Variants in CNBD1 observed in about 807,000 individuals in gnomAD.
CNBD1 encodes cyclic nucleotide-binding domain-containing protein 1.
CNBD1 carries 71 observed loss-of-function variants against 54.4 expected under a neutral mutation model. The observed-to-expected ratio is 1.30, with a 90% confidence interval of 1.08 to 1.59. The LOEUF (loss-of-function observed/expected upper bound fraction) is 1.59, where lower values mean the gene tolerates loss of function less well. CNBD1 is among the 40% of genes most tolerant of loss of function. CNBD1 has a pLI of 0.00. For missense variants in CNBD1, 659 were observed against 518.0 expected (o/e 1.27, Z -2.64); for synonymous variants, 182 against 170.7 (o/e 1.07, Z -0.51).
intron 4 of CNBD1, among the ~76,000 whole-genome samples, chr8:87,017,579 A>T (rs1172418316): frequency 6.6e-6 from 1 of 152,202 alleles, no homozygotes; most frequent in Non-Finnish European, 1.5e-5. Flanking sequence ...CTACCTGATA[A>T]GCAAAAAGCC....
At chr8:87,314,334 T>C (rs1809335578) in intron 8 of CNBD1, among the ~76,000 whole-genome samples, 1 of 151,870 alleles carries the variant, frequency 6.6e-6, no homozygotes, top group African/African-American at 2.4e-5. Context: ...ATATTACCAT[T>C]TTTCACTTAA....
chr8:86,921,774 T>C (rs1291533123), intron 3 of CNBD1, among the ~76,000 whole-genome samples: 7 of 151,966 alleles, frequency 4.6e-5, no homozygotes, highest in Non-Finnish European at 8.8e-5. Context: ...AAGATGAGAG[T>C]TGGGTGGGGA....
chr8:86,875,369 C>CAAG (rs1181557638), intron 1 of CNBD1, among the ~76,000 whole-genome samples: 5 of 152,102 alleles, frequency 3.3e-5, no homozygotes, highest in African/African-American at 7.2e-5. Flanking sequence ...TTCACCCTAC[C>CAAG]TACTCCTGGT....
At chr8:87,403,294 G>A (rs77782619) in intron 2 of CNBD1, among the ~76,000 whole-genome samples, 1,579 of 152,030 alleles carry the variant, frequency 0.01, 24 homozygotes, top group African/African-American at 0.036. Flanking sequence ...CATCTATTTT[G>A]GGGCACAGCA....
intron 4 of CNBD1, among the ~76,000 whole-genome samples, chr8:87,035,463 A>T (rs1401021025): frequency 6.6e-6 from 1 of 152,220 alleles, no homozygotes; most frequent in Non-Finnish European, 1.5e-5. Flanking sequence ...ACTTTCTTAA[A>T]CTTTATTACA....
chr8:86,992,114 G>A (rs777648465), intron 4 of CNBD1, among the ~76,000 whole-genome samples: 6 of 152,102 alleles, frequency 3.9e-5, no homozygotes, highest in Non-Finnish European at 8.8e-5. Flanking sequence ...GAGTGTTGAA[G>A]TCTCCCACTA....
intron 2 of CNBD1, among the ~76,000 whole-genome samples, chr8:87,415,878 C>T (rs1807826169): frequency 6.6e-6 from 1 of 151,480 alleles, no homozygotes; most frequent in Non-Finnish European, 1.5e-5. Flanking sequence ...AAAATTAAAA[C>T]CAAATAAGAA....
intron 4 of CNBD1, among the ~76,000 whole-genome samples, chr8:87,029,808 G>A (rs1261629489): frequency 2.0e-5 from 3 of 152,188 alleles, no homozygotes; most frequent in Admixed American, 2.0e-4. Context: ...GATTTTTGGT[G>A]TGATTGTCAA....
chr8:87,025,295 C>A (rs1809615425), intron 4 of CNBD1, among the ~76,000 whole-genome samples: 1 of 152,172 alleles, frequency 6.6e-6, no homozygotes, highest in African/African-American at 2.4e-5. Context: ...CCCCAGCCAG[C>A]TGGGGCAACC....
chr8:86,973,468 T>C (rs1808270642), intron 4 of CNBD1, among the ~76,000 whole-genome samples: 1 of 152,246 alleles, frequency 6.6e-6, no homozygotes. Context: ...TTCATCATTG[T>C]TTTTGCCATG....
At chr8:87,045,740 A>C (rs558326913) in intron 4 of CNBD1, among the ~76,000 whole-genome samples, 313 of 149,684 alleles carry the variant, frequency 2.1e-3, no homozygotes, top group Non-Finnish European at 3.7e-3. Context: ...AAAAAAAAAA[A>C]AAAACAGTAC....
At chr8:87,109,542 T>TTC (rs1484656140) in intron 4 of CNBD1, among the ~76,000 whole-genome samples, 23 of 132,126 alleles carry the variant, frequency 1.7e-4, no homozygotes, top group African/African-American at 4.5e-4. Context: ...CTTTCTTTCT[T>TTC]TTTTTTTTTT....
At chr8:87,313,407 T>C (rs1212018959) in intron 8 of CNBD1, among the ~76,000 whole-genome samples, 2 of 152,064 alleles carry the variant, frequency 1.3e-5, no homozygotes, top group South Asian at 2.1e-4. Flanking sequence ...GCTTAAGCAG[T>C]TACACTCAAG....
chr8:87,161,327 AC>A (rs1369088908), intron 4 of CNBD1, among the ~76,000 whole-genome samples: 6 of 152,178 alleles, frequency 3.9e-5, no homozygotes, highest in Admixed American at 3.9e-4. Context: ...GCAAGAACTT[AC>A]AATCGTAGAT....
At chr8:86,986,401 T>G (rs1031785178) in intron 4 of CNBD1, among the ~76,000 whole-genome samples, 1 of 152,158 alleles carries the variant, frequency 6.6e-6, no homozygotes, top group Non-Finnish European at 1.5e-5. Flanking sequence ...TCCTTATAGA[T>G]TCTGGATATT....
chr8:86,915,571 A>G (rs1393553029), intron 3 of CNBD1, among the ~76,000 whole-genome samples: 1 of 152,224 alleles, frequency 6.6e-6, no homozygotes, highest in South Asian at 2.1e-4. Context: ...TTGAAGGCCA[A>G]AGGCAAGATG....
Position 87,088,606 on chromosome 8 carries a change from G to T in CNBD1, c.432-117387G>T, listed in dbSNP as rs111853378. Among the ~76,000 whole-genome samples the T allele has an allele frequency of 2.4e-3, 361 of 152,096 alleles. 4 individuals carry two copies. Among genetic ancestry groups the T allele is most frequent in the African/African-American group, 8.2e-3 (341 of 41,526 alleles). ...GTTTTACATGTTAATTATAGTAATA[G>T]TAGCTATATTATGATAAAGATTATT... On this transcript the variant is annotated intron_variant, in intron 4 of 10. Transcript: ENST00000518476.
At chr8:87,414,972 G>A (rs1279395784) in intron 2 of CNBD1, among the ~76,000 whole-genome samples, 1 of 152,028 alleles carries the variant, frequency 6.6e-6, no homozygotes, top group Non-Finnish European at 1.5e-5. Flanking sequence ...GAAATGGGTG[G>A]CTGGATGCTG....
chr8:86,951,685 A>G (rs1477315762), intron 4 of CNBD1, among the ~76,000 whole-genome samples: 1 of 151,354 alleles, frequency 6.6e-6, no homozygotes, highest in East Asian at 1.9e-4. Context: ...TAGAACAACA[A>G]AAGACATCTT....
Sources: gnomAD v4.1 joint callset for allele counts (sites outside exome capture counted in the v4.1 genomes callset) on GRCh38, gnomAD v4.1.1 for gene constraint, MANE v1.5 for transcripts, NCBI Gene and HGNC (gene_info 2026-07-23, HGNC 2026-07-21) for gene names.